PLSCR4: variants seen among roughly 807,000 people sequenced by gnomAD.
The protein encoded by PLSCR4 is Ca(2+)-dependent phospholipid scramblase 4.
PLSCR4 carries 25 observed loss-of-function variants against 36.3 expected under a neutral mutation model. The observed-to-expected ratio is 0.69, with a 90% CI of 0.50 to 0.96. PLSCR4 has a LOEUF of 0.96. Ranked by LOEUF, PLSCR4 falls within the 40% of genes least tolerant of loss-of-function variation. The pLI is 0.00. For synonymous variants in PLSCR4, 122 were observed against 132.9 expected (o/e 0.92, Z 0.56); for missense variants, 408 against 414.7 (o/e 0.98, Z 0.14).
chr3:146,205,787 A>T (rs1397350167), intron 4 of PLSCR4, among the ~76,000 whole-genome samples: 1 of 152,136 alleles, frequency 6.6e-6, no homozygotes, highest in East Asian at 1.9e-4. Context: ...TTGGTAACTG[A>T]AACCGCAGGA....
At chr3:146,229,620 TA>T (rs71158225) in intron 1 of PLSCR4, among the ~76,000 whole-genome samples, 2 of 133,516 alleles carry the variant, frequency 1.5e-5, no homozygotes, top group South Asian at 2.6e-4. Context: ...TTTATTTATT[TA>T]TTTATTTATT....
intron 1 of PLSCR4, among the ~76,000 whole-genome samples, chr3:146,250,269 C>T (rs2036493571): frequency 6.6e-6 from 1 of 152,126 alleles, no homozygotes; most frequent in Non-Finnish European, 1.5e-5. Flanking sequence ...AATCTATTCC[C>T]CTTTAAGCAG....
At chr3:146,205,854 G>T (rs2034297945) in intron 4 of PLSCR4, among the ~76,000 whole-genome samples, 1 of 152,014 alleles carries the variant, frequency 6.6e-6, no homozygotes, top group Non-Finnish European at 1.5e-5. Flanking sequence ...TTTTCATTAA[G>T]CAGGTTTTTT....
At chr3:146,240,471 G>A (rs1576497238) in intron 1 of PLSCR4, among the ~76,000 whole-genome samples, 1 of 135,224 alleles carries the variant, frequency 7.4e-6, no homozygotes, top group Non-Finnish European at 1.6e-5. Context: ...TGAGCAAGGT[G>A]GCATGTACCC....
At chr3:146,222,748 G>C (rs2035229032) in intron 1 of PLSCR4, among the ~76,000 whole-genome samples, 1 of 152,194 alleles carries the variant, frequency 6.6e-6, no homozygotes, top group Non-Finnish European at 1.5e-5. Context: ...GGGAAGTCTG[G>C]AGGATTCAGT....
intron 3 of PLSCR4, among the ~76,000 whole-genome samples, chr3:146,219,521 C>T (rs775875786): frequency 2.6e-5 from 4 of 152,128 alleles, no homozygotes; most frequent in Non-Finnish European, 4.4e-5. Context: ...CCTCATAACA[C>T]ACATACACAT....
chr3:146,236,725 T>A (rs1242687735), intron 1 of PLSCR4, among the ~76,000 whole-genome samples: 2 of 152,152 alleles, frequency 1.3e-5, no homozygotes, highest in Admixed American at 1.3e-4. Context: ...CGCTTTCTTT[T>A]GTAAATTGCC....
At chr3:146,211,328 C>T (rs2034609641) in intron 3 of PLSCR4, among the ~76,000 whole-genome samples, 1 of 151,898 alleles carries the variant, frequency 6.6e-6, no homozygotes, top group South Asian at 2.1e-4. Flanking sequence ...TTTTCATGTG[C>T]TTATTGGCCA....
At chr3:146,225,426 C>T (rs907529767) in intron 1 of PLSCR4, among the ~76,000 whole-genome samples, 9 of 152,200 alleles carry the variant, frequency 5.9e-5, no homozygotes, top group African/African-American at 9.6e-5. Context: ...CCGTGCCATG[C>T]GCTTGCACTC....
intron 6 of PLSCR4, 151 bp from the exon 7 acceptor site, chr3:146,196,944 A>G: frequency 2.9e-6 from 2 of 683,614 alleles, no homozygotes; most frequent in East Asian, 5.5e-5. Flanking sequence ...CACCCAGGCC[A>G]TTCTTCAGGT....
chr3:146,231,287 A>ATTT (rs1272687149), intron 1 of PLSCR4, among the ~76,000 whole-genome samples: 8 of 152,140 alleles, frequency 5.3e-5, no homozygotes, highest in African/African-American at 1.9e-4. Flanking sequence ...AACTAGGTTG[A>ATTT]CTTCATGTTG....
chr3:146,221,110 A>C (rs1256563777), intron 2 of PLSCR4, among the ~76,000 whole-genome samples, 185 bp from the exon 3 acceptor site: 1 of 152,220 alleles, frequency 6.6e-6, no homozygotes, highest in Admixed American at 6.5e-5. Flanking sequence ...ATGAATTTTC[A>C]AACTGAACAT....
intron 3 of PLSCR4, among the ~76,000 whole-genome samples, chr3:146,207,904 G>A (rs571386858): frequency 3.3e-5 from 5 of 152,058 alleles, no homozygotes; most frequent in African/African-American, 7.2e-5. Flanking sequence ...TACTATCACC[G>A]TTCTTCACAG....
At position 146,194,626 on chromosome 3, in the gene PLSCR4, G is replaced by T. The variant is rs73150822; in HGVS notation, c.946-171C>A. 3.6e-3 allele frequency among the ~76,000 whole-genome samples: 554 copies of T among 152,264 alleles called. 4 individuals are homozygous for T. Among genetic ancestry groups the T allele is most frequent in the South Asian group, 0.015 (71 of 4,832 alleles). The stretch of plus-strand genomic sequence containing the variant: ...GTGAAGAGCAGCAGTTACAAATTTG[G>T]AACTGTTAGTTTTCCATTTGAAGTG... On this transcript the variant is annotated intron_variant, in intron 8 of 8. Transcript: ENST00000354952.
Position 146,250,893 on chromosome 3 carries a change from G to A in PLSCR4, c.-22+67C>T, listed in dbSNP as rs373779733. 106 of 152,870 alleles carry A rather than the reference G, an allele frequency of 6.9e-4. No homozygotes were observed. The South Asian group carries it at 8.9e-3, about 13-fold the overall frequency. 9.5% of individuals were successfully genotyped at this position (152,870 alleles called of 1,614,324 possible). ...TCGGGCCTCCCCTGACGACGCCCTC[G>A]GCCCCGCAGCCCGGGCGCCCGCGCC... On this transcript the variant is annotated intron_variant, in intron 1 of 8. Transcript: ENST00000354952.
intron 1 of PLSCR4, among the ~76,000 whole-genome samples, chr3:146,243,521 A>C (rs1042728408): frequency 6.6e-6 from 1 of 152,168 alleles, no homozygotes; most frequent in African/African-American, 2.4e-5. Flanking sequence ...CCTAATCCAA[A>C]AGTCCAAAAT....
intron 3 of PLSCR4, among the ~76,000 whole-genome samples, chr3:146,213,041 G>A (rs2034703842): frequency 4.6e-5 from 7 of 152,136 alleles, no homozygotes; most frequent in Admixed American, 4.6e-4. Flanking sequence ...GATATTTAAT[G>A]TGATAAACCA....
intron 1 of PLSCR4, among the ~76,000 whole-genome samples, chr3:146,229,736 T>TGCCTCA (rs2035631134): frequency 2.0e-5 from 3 of 151,898 alleles, no homozygotes; most frequent in East Asian, 3.9e-4. Flanking sequence ...GCCATTCTCC[T>TGCCTCA]GCCTCAGCCT....
intron 3 of PLSCR4, among the ~76,000 whole-genome samples, chr3:146,220,187 A>G (rs907972664): frequency 5.3e-5 from 8 of 152,232 alleles, no homozygotes; most frequent in Non-Finnish European, 1.0e-4. Flanking sequence ...AAACTTGGCC[A>G]AATTGTTTTC....
Sources: allele counts gnomAD v4.1 joint callset (sites outside exome capture counted in the v4.1 genomes callset), GRCh38; gene constraint gnomAD v4.1.1; transcripts MANE v1.5; gene names NCBI Gene and HGNC (gene_info 2026-07-23, HGNC 2026-07-21).